Variants in NARS2 observed in about 807,000 individuals in gnomAD.
NARS2 encodes the protein asparaginyl-tRNA synthetase.
A neutral mutation model predicts 62.9 loss-of-function variants in NARS2; 60 were observed. The observed-to-expected ratio is 0.95, with a 90% CI of 0.77 to 1.18. NARS2 has a LOEUF of 1.18. Among genes scored for constraint, NARS2 ranks in the 50% most tolerant of loss-of-function variants. The pLI is 0.00. For synonymous variants in NARS2, 196 were observed against 200.0 expected, an observed-to-expected ratio of 0.98 and a Z score of 0.17; for missense variants, 619 against 576.4, an observed-to-expected ratio of 1.07 and a Z score of -0.76.
intron 11 of NARS2, among the ~76,000 whole-genome samples, chr11:78,455,689 A>AC (rs1858134374): frequency 6.6e-6 from 1 of 151,988 alleles, no homozygotes; most frequent in Non-Finnish European, 1.5e-5. Context: ...TCTTCCTGCC[A>AC]CCCCACACAA....
intron 5 of NARS2, among the ~76,000 whole-genome samples, chr11:78,544,795 C>CAAAA (rs35180232): frequency 6.5e-4 from 41 of 63,192 alleles, no homozygotes; most frequent in African/African-American, 8.0e-4. Flanking sequence ...CTCCGTCTCA[C>CAAAA]AAAAAAAAAA....
intron 5 of NARS2, among the ~76,000 whole-genome samples, chr11:78,534,692 C>T (rs1203994573): frequency 1.3e-5 from 2 of 152,200 alleles, no homozygotes; most frequent in African/African-American, 2.4e-5. Flanking sequence ...TCCTAAGGGA[C>T]ACGGTCTCTC....
At chr11:78,568,170 A>G (rs2135538935) in intron 3 of NARS2, among the ~76,000 whole-genome samples, 1 of 152,366 alleles carries the variant, frequency 6.6e-6, no homozygotes, top group East Asian at 1.9e-4. Context: ...TATAGTAGCC[A>G]GTAGCCACAT....
intron 5 of NARS2, among the ~76,000 whole-genome samples, chr11:78,557,076 CT>C (rs1856380328): frequency 6.6e-6 from 1 of 152,132 alleles, no homozygotes; most frequent in African/African-American, 2.4e-5. Context: ...GTCCCCAAAC[CT>C]TAACAAATAT....
intron 7 of NARS2, among the ~76,000 whole-genome samples, chr11:78,483,939 C>T (rs375876505): frequency 9.2e-5 from 14 of 152,188 alleles, no homozygotes; most frequent in African/African-American, 3.4e-4. Context: ...CAAGATAATC[C>T]TAAGCAAAAA....
chr11:78,437,741 C>T (rs1442095584), intron 13 of NARS2, among the ~76,000 whole-genome samples: 2 of 151,954 alleles, frequency 1.3e-5, no homozygotes, highest in Non-Finnish European at 2.9e-5. Context: ...CTTTGGGAGG[C>T]CGAGGTGGGC....
chr11:78,462,463 A>G (rs536651940), intron 11 of NARS2, among the ~76,000 whole-genome samples: 3 of 152,366 alleles, frequency 2.0e-5, no homozygotes, highest in African/African-American at 7.2e-5. Flanking sequence ...ATAAATGGCT[A>G]AAAAGTAATT....
intron 13 of NARS2, among the ~76,000 whole-genome samples, chr11:78,438,787 C>G (rs933265127): frequency 3.3e-5 from 5 of 152,070 alleles, no homozygotes; most frequent in African/African-American, 1.2e-4. Context: ...AATTCTTAGC[C>G]ATCTGGGGTG....
chr11:78,535,353 G>C (rs986535809), intron 5 of NARS2, among the ~76,000 whole-genome samples: 2 of 152,050 alleles, frequency 1.3e-5, no homozygotes, highest in Non-Finnish European at 2.9e-5. Context: ...TCAAATCCTT[G>C]AGAGAAATGG....
intron 6 of NARS2, among the ~76,000 whole-genome samples, chr11:78,500,831 G>A (rs569159834): frequency 7.2e-5 from 11 of 152,340 alleles, no homozygotes; most frequent in African/African-American, 2.6e-4. Flanking sequence ...GGTGGCTCAT[G>A]CCTGTAATCC....
intron 7 of NARS2, among the ~76,000 whole-genome samples, chr11:78,486,701 A>T (rs973620949): frequency 6.6e-6 from 1 of 152,182 alleles, no homozygotes. Flanking sequence ...AACAGCCAGG[A>T]TATACTTAAA....
At chr11:78,449,815 T>C (rs1207411654) in intron 11 of NARS2, among the ~76,000 whole-genome samples, 1 of 152,168 alleles carries the variant, frequency 6.6e-6, no homozygotes, top group Non-Finnish European at 1.5e-5. Context: ...TTCCAGACAT[T>C]ACAAATGTTC....
intron 11 of NARS2, among the ~76,000 whole-genome samples, chr11:78,464,316 A>G (rs1858522375): frequency 6.6e-6 from 1 of 152,156 alleles, no homozygotes; most frequent in Non-Finnish European, 1.5e-5. Context: ...TTTATTGCAA[A>G]GAGCGAAAGA....
intron 7 of NARS2, among the ~76,000 whole-genome samples, chr11:78,490,683 C>A (rs1421858424): frequency 6.6e-6 from 1 of 151,908 alleles, no homozygotes; most frequent in Non-Finnish European, 1.5e-5. Flanking sequence ...CCTACAGACC[C>A]AGTTACTCAG....
chr11:78,568,484 C>T (rs1270819985), intron 3 of NARS2, 148 bp downstream of exon 3: 1 of 874,856 alleles, frequency 1.1e-6, no homozygotes, highest in Non-Finnish European at 1.6e-6. Flanking sequence ...ATTTTTGCTA[C>T]TGCCTCTACA....
chr11:78,459,318 T>C (rs1020718611), intron 11 of NARS2, among the ~76,000 whole-genome samples: 1 of 151,118 alleles, frequency 6.6e-6, no homozygotes. Flanking sequence ...TTGCCCAGGC[T>C]GGAGTACAAT....
Position 78,479,900 on chromosome 11 carries a change from GTTAT to G in NARS2, c.823-1221_823-1218del, listed in dbSNP as rs1405340563. ...TCATGATGTTTCAGTCATTGTTAGT[GTTAT>G]TTATTTATTTATGAGACAAGGTCTT... On this transcript the variant is annotated intron_variant, in intron 7 of 13. Coordinates refer to ENST00000281038, the MANE Select transcript of NARS2 (RefSeq NM_024678.6). Among the ~76,000 whole-genome samples the G allele has an allele frequency of 2.0e-5, 3 of 152,068 alleles. No individual in the cohort carries two copies. In the East Asian group the frequency reaches 5.8e-4, roughly 29 times the overall value.
intron 2 of NARS2, 31 bp downstream of exon 2, chr11:78,571,304 T>C (rs1319659083): frequency 6.8e-7 from 1 of 1,461,024 alleles, no homozygotes; most frequent in Non-Finnish European, 9.6e-7. Flanking sequence ...AAAACAAAAA[T>C]CAAAGAATTC....
chr11:78,449,008 A>G (rs1021131057), intron 11 of NARS2, among the ~76,000 whole-genome samples: 20 of 152,138 alleles, frequency 1.3e-4, no homozygotes, highest in Admixed American at 1.2e-3. Flanking sequence ...TGAGTTCAGG[A>G]GAGAGTTCAC....
Sources: gnomAD v4.1 joint callset for allele counts (sites outside exome capture counted in the v4.1 genomes callset) on GRCh38, gnomAD v4.1.1 for gene constraint, MANE v1.5 for transcripts, NCBI Gene and HGNC (gene_info 2026-07-23, HGNC 2026-07-21) for gene names.